The following PHEX variants were observed in gnomAD, a reference collection of about 807,000 sequenced individuals.
PHEX encodes phosphate regulating endopeptidase X-linked.
A neutral mutation model predicts 68.0 loss-of-function variants in PHEX; 16 were observed. That is an observed-to-expected ratio of 0.24 (90% CI 0.16 to 0.36). The LOEUF is 0.36. Ranked by LOEUF, PHEX falls within the 10% of genes least tolerant of loss-of-function variation. The probability of loss-of-function intolerance (pLI) is 1.00; values close to 1 mark genes in which losing one functional copy is unlikely to be tolerated. For synonymous variants in PHEX, 208 were observed against 205.1 expected (o/e 1.01, Z -0.12); for missense variants, 480 against 575.5 (o/e 0.83, Z 1.70).
chrX:22,187,233 G>A (rs766184109), intron 14 of PHEX, among the ~76,000 whole-genome samples: 2 of 111,769 alleles, frequency 1.8e-5, no homozygotes, highest in South Asian at 7.6e-4. Flanking sequence ...GGAGGTTCTG[G>A]GAATAATCCC....
intron 3 of PHEX, among the ~76,000 whole-genome samples, chrX:22,061,644 C>G (rs904512655): frequency 1.8e-5 from 2 of 111,251 alleles, no homozygotes; most frequent in Non-Finnish European, 3.8e-5. Flanking sequence ...TAAGATTTAT[C>G]TGCATTTTAC....
intron 3 of PHEX, among the ~76,000 whole-genome samples, chrX:22,070,220 T>C (rs561017421): frequency 3.6e-5 from 4 of 112,124 alleles, no homozygotes; most frequent in Admixed American, 9.5e-5. Context: ...ATTATGTAGA[T>C]GTGGAAGCTT....
chrX:22,072,671 C>G (rs1407077560), intron 3 of PHEX, among the ~76,000 whole-genome samples: 1 of 112,143 alleles, frequency 8.9e-6, no homozygotes, highest in Non-Finnish European at 1.9e-5. Context: ...GTAGATTGCT[C>G]TATAAATATG....
intron 12 of PHEX, among the ~76,000 whole-genome samples, chrX:22,156,324 C>T (rs962549771): frequency 9.1e-6 from 1 of 109,913 alleles, no homozygotes; most frequent in African/African-American, 3.3e-5. Flanking sequence ...CTTTTTATCC[C>T]CGGTGAGAGG....
At chrX:22,186,353 A>T (rs1367120179) in intron 14 of PHEX, among the ~76,000 whole-genome samples, 1 of 112,200 alleles carries the variant, frequency 8.9e-6, no homozygotes, top group Non-Finnish European at 1.9e-5. Flanking sequence ...GCTGCGTATT[A>T]TTCTTTAGAA....
intron 3 of PHEX, among the ~76,000 whole-genome samples, chrX:22,051,446 G>A (rs780438426): frequency 2.2e-4 from 25 of 111,477 alleles, no homozygotes; most frequent in Non-Finnish European, 3.2e-4. Context: ...CAGGAGAATC[G>A]CTTGAACCCA....
intron 3 of PHEX, among the ~76,000 whole-genome samples, chrX:22,069,322 T>C (rs1276264617): frequency 8.9e-6 from 1 of 112,230 alleles, no homozygotes; most frequent in Non-Finnish European, 1.9e-5. Flanking sequence ...GCAGATTCAT[T>C]GTAATGCTAT....
intron 3 of PHEX, among the ~76,000 whole-genome samples, chrX:22,070,959 G>A (rs1477838611): frequency 8.9e-6 from 1 of 112,121 alleles, no homozygotes; most frequent in Non-Finnish European, 1.9e-5. Flanking sequence ...ATATGTCTTA[G>A]ATATTGTAGA....
Position 22,227,374 on chromosome X carries a change from G to GTGTT in PHEX, c.1966-131_1966-128dup. The GTGTT allele has an allele frequency of 5.7e-6, 3 of 521,901 alleles. No individual in the cohort carries two copies. In the South Asian group the frequency reaches 7.8e-5, roughly 14 times the overall value. The allele number at this position is 521,901 out of a possible 1,213,427, so 43.0% of individuals were successfully genotyped here. On this transcript the variant is annotated intron_variant, in intron 19 of 21. Coordinates refer to ENST00000379374, the MANE Select transcript of PHEX (RefSeq NM_000444.6). ...CTGGTAAGCAACAGGACATGGACTT[G>GTGTT]TGTTTCTTAAGAAAATTTTGACATG...
In PHEX at chrX:22,155,101, G is replaced by A. The variant is rs752408834; in HGVS notation, c.1405-13211G>A. Among the ~76,000 whole-genome samples, 6 of 112,267 alleles carry A rather than the reference G, an allele frequency of 5.3e-5. No homozygotes were observed. In the East Asian group the frequency reaches 8.5e-4, roughly 16 times the overall value. ...TAATTTTTGTATTTTTAGTAGAGAC[G>A]AGGTTTCACCATATTGGTCGGGCTA... On this transcript the variant is annotated intron_variant, in intron 12 of 21. Coordinates refer to ENST00000379374, the MANE Select transcript of PHEX (RefSeq NM_000444.6).
chrX:22,133,860 C>T (rs1467663816), intron 12 of PHEX, among the ~76,000 whole-genome samples: 1 of 112,158 alleles, frequency 8.9e-6, no homozygotes, highest in Non-Finnish European at 1.9e-5. Flanking sequence ...TTCGGCCTTT[C>T]CTTTCTCCTA....
intron 3 of PHEX, among the ~76,000 whole-genome samples, chrX:22,062,680 A>G (rs1046118604): frequency 6.3e-5 from 7 of 111,186 alleles, no homozygotes; most frequent in African/African-American, 2.3e-4. Context: ...AGCTTATAAA[A>G]CACAGATGCC....
intron 3 of PHEX, among the ~76,000 whole-genome samples, chrX:22,055,018 A>G (rs1447432299): frequency 1.9e-5 from 2 of 107,044 alleles, no homozygotes; most frequent in Non-Finnish European, 3.9e-5. Context: ...TACTAAAAAC[A>G]GAAAAAATTA....
At position 22,099,002 on chromosome X, in the gene PHEX, T is replaced by C. The variant is rs775216821; in HGVS notation, c.934-4T>C. 1 of 1,208,418 alleles carries C rather than the reference T, an allele frequency of 8.3e-7. No homozygotes were observed. Among genetic ancestry groups the C allele is most frequent in the Non-Finnish European group, 1.1e-6 (1 of 893,712 alleles). On this transcript the variant is annotated splice_region_variant and splice_polypyrimidine_tract_variant and intron_variant, in intron 8 of 21. Transcript: ENST00000379374. ...TCATTCTGTTTTGTTCTCTCTCCCC[T>C]CAGTTCGACTGGCTGGGCTACATCA...
chrX:22,195,010 G>A (rs1934317204), intron 15 of PHEX, among the ~76,000 whole-genome samples: 1 of 112,253 alleles, frequency 8.9e-6, no homozygotes, highest in African/African-American at 3.2e-5. Flanking sequence ...GCTTTTCAGA[G>A]TGGCAAGGTG....
intron 3 of PHEX, among the ~76,000 whole-genome samples, chrX:22,047,490 G>A (rs1927597517): frequency 8.9e-6 from 1 of 112,044 alleles, no homozygotes; most frequent in South Asian, 3.7e-4. Context: ...GGAAGCAAAG[G>A]AATAGTTAAT....
chrX:22,099,820 C>CA (rs1930338826), intron 9 of PHEX, among the ~76,000 whole-genome samples: 1 of 112,082 alleles, frequency 8.9e-6, no homozygotes, highest in Non-Finnish European at 1.9e-5. Context: ...AACGAGTTTA[C>CA]AAAACACTTT....
chrX:22,226,602 G>A, intron 19 of PHEX, 94 bp downstream of exon 19: 1 of 669,940 alleles, frequency 1.5e-6, no homozygotes. Context: ...TGTTCTTGAG[G>A]AGTTAGTTAG....
chrX:22,061,056 G>T (rs1428541785), intron 3 of PHEX, among the ~76,000 whole-genome samples: 1 of 111,708 alleles, frequency 9.0e-6, no homozygotes, highest in Non-Finnish European at 1.9e-5. Flanking sequence ...GGGTCCACGT[G>T]TTCCTGCTGT....
Sources: gnomAD v4.1 joint callset for allele counts (sites outside exome capture counted in the v4.1 genomes callset) on GRCh38, gnomAD v4.1.1 for gene constraint, MANE v1.5 for transcripts, NCBI Gene and HGNC (gene_info 2026-07-23, HGNC 2026-07-21) for gene names.